CDH8: variants seen among roughly 807,000 people sequenced by gnomAD.
CDH8 encodes the protein cadherin 8, also known as cadherin-8.
CDH8 carries 17 observed loss-of-function variants against 68.1 expected under a neutral mutation model. The observed-to-expected ratio is 0.25, with a 90% confidence interval of 0.17 to 0.37. The LOEUF (loss-of-function observed/expected upper bound fraction) is 0.37. Ranked by LOEUF, CDH8 falls within the 10% of genes least tolerant of loss-of-function variation. The pLI, the probability that CDH8 is intolerant of heterozygous loss-of-function variation, is 1.00. For missense variants in CDH8, 763 were observed against 999.3 expected, an observed-to-expected ratio of 0.76 and a Z score of 3.19; for synonymous variants, 372 against 365.1, an observed-to-expected ratio of 1.02 and a Z score of -0.21.
chr16:61,768,348 CTCTCTCTCTCTCTCTCTCTCCCTT>C (rs1960662234), intron 8 of CDH8, among the ~76,000 whole-genome samples: 4 of 112,216 alleles, frequency 3.6e-5, no homozygotes, highest in Non-Finnish European at 7.5e-5. Context: ...CTCTCTCTCT[CTCTCTCTCTCTCTCTCTCTCCCTT>C]TCTCTCTCTC....
intron 2 of CDH8, among the ~76,000 whole-genome samples, chr16:61,959,908 C>T (rs1184155213): frequency 3.6e-5 from 5 of 140,102 alleles, no homozygotes; most frequent in African/African-American, 5.3e-5. Flanking sequence ...AATATATATA[C>T]ACACACACAG....
chr16:61,948,841 C>G (rs1299991425), intron 2 of CDH8, among the ~76,000 whole-genome samples: 1 of 152,238 alleles, frequency 6.6e-6, no homozygotes, highest in Middle Eastern at 3.4e-3. Flanking sequence ...TCTTTCGAAT[C>G]GCATAACCCA....
chr16:61,808,454 T>C (rs1379214565), intron 7 of CDH8, among the ~76,000 whole-genome samples: 3 of 152,116 alleles, frequency 2.0e-5, no homozygotes, highest in Non-Finnish European at 4.4e-5. Flanking sequence ...CATCCTGCAT[T>C]ATTGGTTATG....
intron 10 of CDH8, among the ~76,000 whole-genome samples, chr16:61,690,438 C>T (rs898662831): frequency 6.6e-6 from 1 of 151,928 alleles, no homozygotes; most frequent in African/African-American, 2.4e-5. Flanking sequence ...TATATAAGCT[C>T]TACTATTTCA....
At chr16:61,818,424 T>C (rs1231780445) in intron 6 of CDH8, among the ~76,000 whole-genome samples, 1 of 152,300 alleles carries the variant, frequency 6.6e-6, no homozygotes, top group African/African-American at 2.4e-5. Flanking sequence ...CTTGTGTTTA[T>C]ATTTAGAAGA....
chr16:61,782,130 G>C (rs529018816), intron 8 of CDH8, among the ~76,000 whole-genome samples: 1 of 152,188 alleles, frequency 6.6e-6, no homozygotes, highest in Non-Finnish European at 1.5e-5. Flanking sequence ...AGCTCCCAGC[G>C]TGAGCGACGC....
chr16:62,018,470 A>T (rs1249556160), intron 2 of CDH8, among the ~76,000 whole-genome samples: 1 of 152,170 alleles, frequency 6.6e-6, no homozygotes, highest in African/African-American at 2.4e-5. Context: ...CGGATGTGGA[A>T]GAGTGTGCAC....
Position 61,757,707 on chromosome 16 carries a change from T to C in CDH8, c.1415-30492A>G, listed in dbSNP as rs548648168. On this transcript the variant is annotated intron_variant, in intron 8 of 11. Transcript: ENST00000577390. ...TACCAGGCCATGGAGAAGCCCAAAC[T>C]CTCCCTTGGAAAGGCAGTGATGGCC... 3.3e-5 allele frequency among the ~76,000 whole-genome samples: 5 copies of C among 152,204 alleles called. No individual in the cohort carries two copies. The East Asian group carries it at 9.7e-4, about 30-fold the overall frequency.
chr16:61,877,751 T>C (rs1016094541), intron 3 of CDH8, among the ~76,000 whole-genome samples: 5 of 152,124 alleles, frequency 3.3e-5, no homozygotes, highest in African/African-American at 1.2e-4. Context: ...AATATGTGTG[T>C]GTCTATGTGA....
At chr16:61,708,183 T>C (rs980551279) in intron 10 of CDH8, among the ~76,000 whole-genome samples, 2 of 152,134 alleles carry the variant, frequency 1.3e-5, no homozygotes, top group African/African-American at 4.8e-5. Context: ...TTTATTTTCT[T>C]CAGAATTAGA....
intron 9 of CDH8, among the ~76,000 whole-genome samples, chr16:61,721,783 G>T (rs9673670): frequency 5.8e-4 from 87 of 150,758 alleles, no homozygotes; most frequent in African/African-American, 2.0e-3. Flanking sequence ...GAAATTTCAG[G>T]GACTTTAGCA....
At chr16:61,988,045 A>G (rs559447982) in intron 2 of CDH8, among the ~76,000 whole-genome samples, 2 of 152,320 alleles carry the variant, frequency 1.3e-5, no homozygotes, top group African/African-American at 4.8e-5. Flanking sequence ...CTCTTAGAGA[A>G]TAAAATTTTT....
At chr16:61,705,197 T>C (rs1964505094) in intron 10 of CDH8, among the ~76,000 whole-genome samples, 1 of 152,118 alleles carries the variant, frequency 6.6e-6, no homozygotes, top group South Asian at 2.1e-4. Context: ...AGGCAACAGA[T>C]GGAATATGAA....
intron 8 of CDH8, among the ~76,000 whole-genome samples, chr16:61,744,933 G>A (rs535801654): frequency 6.7e-6 from 1 of 150,254 alleles, no homozygotes; most frequent in Non-Finnish European, 1.5e-5. Flanking sequence ...ATATTAAGTA[G>A]TATATATTAT....
At chr16:61,655,937 A>C (rs1043483345) in intron 10 of CDH8, among the ~76,000 whole-genome samples, 5 of 146,220 alleles carry the variant, frequency 3.4e-5, no homozygotes, top group Non-Finnish European at 7.4e-5. Flanking sequence ...CAGTGGCGCT[A>C]TCTCGGCTCA....
chr16:61,864,377 T>G (rs1019202539), intron 3 of CDH8, among the ~76,000 whole-genome samples: 1 of 152,038 alleles, frequency 6.6e-6, no homozygotes, highest in Non-Finnish European at 1.5e-5. Context: ...CCCATCACAC[T>G]GCTTCCCCAA....
rs1200908655 is a variant in CDH8 at position 61,651,283 on chromosome 16, T to G, written c.*2325A>C. 1 of 152,146 alleles carries G rather than the reference T, an allele frequency of 6.6e-6. No individual in the cohort carries two copies. Among genetic ancestry groups the G allele is most frequent in the African/African-American group, 2.4e-5 (1 of 41,452 alleles). The allele number at this position is 152,146 out of a possible 1,614,324, so 9.4% of individuals were successfully genotyped here. A position where few individuals can be genotyped will look rare whatever the true frequency, so the allele number is the denominator to read the frequency against. On this transcript the variant is annotated 3_prime_UTR_variant, in exon 12 of 12. Transcript: ENST00000577390. Reference sequence around the variant, plus strand: ...TTCACCAAGCACTTGTTTTAGACACTGTGCCAAGTCCTAGTATATTTTAAA... The same window carrying G: ...TTCACCAAGCACTTGTTTTAGACACGGTGCCAAGTCCTAGTATATTTTAAA...
rs1366269801 is a variant in CDH8, at chr16:61,824,991, C to A, written c.835+21G>T. ...GAAACATCATACCAAGATTCTCATC[C>A]AGTGCAGGAAATTAACTTACTCTGT... On this transcript the variant is annotated intron_variant, in intron 5 of 11. Transcript: ENST00000577390. The A allele has an allele frequency of 2.5e-6, 4 of 1,575,394 alleles. No individual in the cohort carries two copies. The Admixed American group carries it at 5.2e-5, about 20-fold the overall frequency.
At chr16:61,737,656 G>T (rs1959736315) in intron 8 of CDH8, among the ~76,000 whole-genome samples, 1 of 152,044 alleles carries the variant, frequency 6.6e-6, no homozygotes, top group Non-Finnish European at 1.5e-5. Flanking sequence ...GATAGCTGAG[G>T]AACAAGTTAG....
Sources: allele counts gnomAD v4.1 joint callset (sites outside exome capture counted in the v4.1 genomes callset), GRCh38; gene constraint gnomAD v4.1.1; transcripts MANE v1.5; gene names NCBI Gene and HGNC (gene_info 2026-07-23, HGNC 2026-07-21).